The following SPART variants were observed in gnomAD, a reference collection of about 807,000 sequenced individuals.
SPART encodes the protein spastic paraplegia 20 (Troyer syndrome).
SPART carries 35 observed loss-of-function variants against 58.7 expected under a neutral mutation model. The ratio of observed to expected loss-of-function variants is 0.60; its 90% CI spans 0.46 to 0.79. The LOEUF is 0.79. Among genes scored for constraint, SPART ranks in the 30% least tolerant of loss-of-function variants. The pLI is 0.00. For missense variants in SPART, 730 were observed against 786.1 expected, an observed-to-expected ratio of 0.93 and a Z score of 0.85; for synonymous variants, 284 against 280.7, an observed-to-expected ratio of 1.01 and a Z score of -0.12.
intron 8 of SPART, 102 bp downstream of exon 8, chr13:36,312,043 C>T (rs113686927): frequency 3.3e-5 from 35 of 1,060,784 alleles, no homozygotes; most frequent in African/African-American, 1.1e-4. Context: ...CCTAAGATCG[C>T]GCCATTGCAC....
intron 8 of SPART, among the ~76,000 whole-genome samples, chr13:36,307,358 C>A (rs1880614030): frequency 6.6e-6 from 1 of 152,016 alleles, no homozygotes; most frequent in Non-Finnish European, 1.5e-5. Flanking sequence ...TAATATGACA[C>A]CTGTCATTGA....
At position 36,312,360 on chromosome 13, in the gene SPART, G is replaced by A; in HGVS notation, c.1601C>T (p.Pro534Leu). ...SLKKDKDGKS[P>L]LDGAMVVAAS... ...TGCTACAACCATAGCACCATCCAGA[G>A]GAGATTTCCCATCTTTGTCTTTTTT... The change falls in exon 7 of 9, where the codon CCT becomes CTT. Residue 534 changes from proline (P) to leucine (L), a missense_variant. Pro to Leu is a moderately conservative substitution (Grantham distance 98). Transcript: ENST00000438666. 6.2e-7 allele frequency: 1 copy of A among 1,614,062 alleles called. No homozygotes were observed. Among genetic ancestry groups the A allele is most frequent in the Non-Finnish European group, 8.5e-7 (1 of 1,179,990 alleles).
chr13:36,306,137 G>C (rs901941294), intron 8 of SPART, among the ~76,000 whole-genome samples: 3 of 152,308 alleles, frequency 2.0e-5, no homozygotes. Context: ...AACCTTCCAA[G>C]TCTGTACTAC....
At chr13:36,341,675 G>A (rs1201521243) in intron 1 of SPART, among the ~76,000 whole-genome samples, 2 of 152,160 alleles carry the variant, frequency 1.3e-5, no homozygotes, top group African/African-American at 2.4e-5. Flanking sequence ...ATCACAGAAA[G>A]CATTCATTAA....
At chr13:36,345,672 G>A (rs1885030906) in intron 1 of SPART, 3 of 152,188 alleles carry the variant, frequency 2.0e-5, no homozygotes, top group Admixed American at 2.0e-4. Flanking sequence ...TAAGTCGGAG[G>A]GATCCGCCGC....
chr13:36,315,712 T>C (rs2137349776), intron 5 of SPART, among the ~76,000 whole-genome samples: 1 of 152,244 alleles, frequency 6.6e-6, no homozygotes, highest in African/African-American at 2.4e-5. Flanking sequence ...AGATGCCCAT[T>C]TAAAAAAATT....
At chr13:36,355,840 C>CAA (rs57777973) in intron 1 of SPART, among the ~76,000 whole-genome samples, 241 of 151,552 alleles carry the variant, frequency 1.6e-3, no homozygotes, top group Middle Eastern at 0.01. Flanking sequence ...AAAGTAATGG[C>CAA]AAAAAAAACC....
intron 1 of SPART, among the ~76,000 whole-genome samples, chr13:36,338,089 G>GCTTT (rs1884198640): frequency 6.6e-6 from 1 of 152,144 alleles, no homozygotes; most frequent in Non-Finnish European, 1.5e-5. Context: ...CCAATTGAAA[G>GCTTT]CAATTGGGTG....
intron 1 of SPART, among the ~76,000 whole-genome samples, chr13:36,356,491 G>A (rs1018880136): frequency 6.6e-6 from 1 of 152,212 alleles, no homozygotes; most frequent in African/African-American, 2.4e-5. Context: ...ACAATCCTTT[G>A]TCTTAATCCA....
intron 1 of SPART, among the ~76,000 whole-genome samples, chr13:36,339,652 A>G (rs1317673459): frequency 1.4e-5 from 2 of 140,314 alleles, no homozygotes; most frequent in Non-Finnish European, 3.1e-5. Context: ...AAAAAAAAAA[A>G]CCAACCAACA....
chr13:36,361,070 T>C (rs905592610), intron 1 of SPART, among the ~76,000 whole-genome samples: 19 of 152,316 alleles, frequency 1.2e-4, no homozygotes, highest in Admixed American at 1.0e-3. Context: ...TATTGCACAT[T>C]AACCTCATAA....
rs1389361133 is a variant in SPART at position 36,325,667 on chromosome 13, G to A, written c.1288+908C>T. On this transcript the variant is annotated intron_variant, in intron 5 of 8. Transcript: ENST00000438666. ...CTATGTGAAATGTTAACCAATTAAA[G>A]TAGAAAGATGTGTCACTAATGATCA... Among the ~76,000 whole-genome samples, 3 of 152,188 alleles carry A rather than the reference G, an allele frequency of 2.0e-5. No individual in the cohort carries two copies. The East Asian group carries it at 5.8e-4, about 29-fold the overall frequency.
At chr13:36,365,815 C>T (rs1281768381) in intron 1 of SPART, 1 of 267,036 alleles carries the variant, frequency 3.7e-6, no homozygotes, top group Admixed American at 5.5e-5. Flanking sequence ...GACCTATCAC[C>T]TCACTCTAGA....
At chr13:36,343,522 C>A (rs914009510) in intron 1 of SPART, among the ~76,000 whole-genome samples, 1 of 152,088 alleles carries the variant, frequency 6.6e-6, no homozygotes, top group Non-Finnish European at 1.5e-5. Flanking sequence ...TTTCAACTAA[C>A]GCATGATGTA....
chr13:36,304,975 T>G (rs1179376215), intron 8 of SPART, among the ~76,000 whole-genome samples: 1 of 152,272 alleles, frequency 6.6e-6, no homozygotes, highest in Admixed American at 6.5e-5. Flanking sequence ...TCTAGAAATA[T>G]GAGGGAAAAT....
At chr13:36,306,538 CA>C (rs1880525585) in intron 8 of SPART, among the ~76,000 whole-genome samples, 1 of 152,154 alleles carries the variant, frequency 6.6e-6, no homozygotes, top group Admixed American at 6.5e-5. Context: ...TCCATATTCA[CA>C]AACTTCCACT....
intron 1 of SPART, among the ~76,000 whole-genome samples, chr13:36,358,548 G>A (rs1293288788): frequency 6.6e-6 from 1 of 152,172 alleles, no homozygotes; most frequent in East Asian, 1.9e-4. Context: ...CAGGACACAA[G>A]TAGGTCTTGA....
chr13:36,312,205 C>T lies in SPART; in HGVS notation c.1673G>A (p.Cys558Tyr). 6.2e-7 allele frequency: 1 copy of T among 1,614,176 alleles called. No homozygotes were observed. Among genetic ancestry groups the T allele is most frequent in the South Asian group, 1.1e-5 (1 of 91,090 alleles). ...ATTGTTAACGATGCATTTAGCTGCA[C>T]ATTCCAATCCTTGCCAGACAGTTGA... ...GFSTVWQGLECAAKCIVNNVS... is the reference protein window; with the variant it reads ...GFSTVWQGLEYAAKCIVNNVS... Residue 558 changes from cysteine (C) to tyrosine (Y), a missense_variant, in exon 8 of 9, where the codon TGT (cysteine) becomes TAT (tyrosine). Coordinates refer to ENST00000438666, the MANE Select transcript of SPART (RefSeq NM_015087.5).
chr13:36,334,624 C>T (rs114531267), intron 2 of SPART, among the ~76,000 whole-genome samples: 72 of 152,210 alleles, frequency 4.7e-4, no homozygotes, highest in Middle Eastern at 3.4e-3. Context: ...ACCATGGGCT[C>T]GGTCTCTCCC....
Sources: allele counts gnomAD v4.1 joint callset (sites outside exome capture counted in the v4.1 genomes callset), GRCh38; gene constraint gnomAD v4.1.1; transcripts MANE v1.5; gene names NCBI Gene and HGNC (gene_info 2026-07-23, HGNC 2026-07-21).